Variants in ZBTB20 observed in about 807,000 individuals in gnomAD.
ZBTB20 encodes the protein zinc finger and BTB domain-containing protein 20.
Under a neutral mutation model 56.9 loss-of-function variants are expected in ZBTB20, and 9 were observed. That is an observed-to-expected ratio of 0.16 (90% CI 0.10 to 0.28). The LOEUF is 0.28. ZBTB20 is among the 10% of genes least tolerant of loss of function. ZBTB20 has a pLI of 1.00. For synonymous variants in ZBTB20, 417 were observed against 420.7 expected, an observed-to-expected ratio of 0.99 and a Z score of 0.11; for missense variants, 655 against 1,003.0, an observed-to-expected ratio of 0.65 and a Z score of 4.69.
At chr3:114,513,561 G>C (rs2045649925) in intron 6 of ZBTB20, among the ~76,000 whole-genome samples, 1 of 152,170 alleles carries the variant, frequency 6.6e-6, no homozygotes, top group African/African-American at 2.4e-5. Context: ...TGGCAGGCTG[G>C]AGAGGATGTT....
intron 7 of ZBTB20, among the ~76,000 whole-genome samples, chr3:114,492,786 A>C (rs1167626414): frequency 7.9e-5 from 12 of 152,230 alleles, no homozygotes; most frequent in Admixed American, 7.9e-4. Context: ...AGTTTTGCCC[A>C]AATGGTAACA....
intron 5 of ZBTB20, among the ~76,000 whole-genome samples, chr3:114,746,167 T>C (rs2067025995): frequency 6.6e-6 from 1 of 152,194 alleles, no homozygotes; most frequent in Non-Finnish European, 1.5e-5. Context: ...AAGACAGTGT[T>C]CTTCCCACCA....
chr3:114,803,778 TG>T (rs984668200), intron 4 of ZBTB20, among the ~76,000 whole-genome samples: 3 of 33,852 alleles, frequency 8.9e-5, no homozygotes, highest in Non-Finnish European at 1.1e-4. Flanking sequence ...TTCAACTTTC[TG>T]TTTTTTTTTT....
intron 6 of ZBTB20, among the ~76,000 whole-genome samples, chr3:114,511,558 C>G (rs759042232): frequency 2.0e-5 from 3 of 152,120 alleles, no homozygotes; most frequent in Non-Finnish European, 4.4e-5. Context: ...CTTTTAACCT[C>G]TCTTTCCTTT....
chr3:114,431,500 T>G (rs2090118612), intron 7 of ZBTB20, among the ~76,000 whole-genome samples: 1 of 152,218 alleles, frequency 6.6e-6, no homozygotes, highest in Admixed American at 6.5e-5. Context: ...CAGCTAATGA[T>G]TCATTATGTT....
intron 6 of ZBTB20, among the ~76,000 whole-genome samples, chr3:114,607,006 G>A (rs1049819012): frequency 1.3e-5 from 2 of 151,876 alleles, no homozygotes; most frequent in African/African-American, 4.8e-5. Context: ...GCTGAGGCAG[G>A]AGAATAGCTT....
At chr3:114,681,647 A>C (rs543567813) in intron 6 of ZBTB20, among the ~76,000 whole-genome samples, 2 of 152,320 alleles carry the variant, frequency 1.3e-5, no homozygotes, top group South Asian at 4.1e-4. Context: ...AGTAGTGGGA[A>C]AGATAGCAAA....
At chr3:114,601,716 G>T (rs2056771782) in intron 6 of ZBTB20, among the ~76,000 whole-genome samples, 1 of 151,964 alleles carries the variant, frequency 6.6e-6, no homozygotes, top group Non-Finnish European at 1.5e-5. Flanking sequence ...GGTATTGAAG[G>T]ATACTTGGGA....
chr3:114,477,333 T>C (rs2109323036), intron 7 of ZBTB20, among the ~76,000 whole-genome samples: 1 of 152,272 alleles, frequency 6.6e-6, no homozygotes, highest in South Asian at 2.1e-4. Flanking sequence ...TCTCATTTAA[T>C]CATCATAAGA....
chr3:114,670,263 A>T (rs2061291689), intron 6 of ZBTB20, among the ~76,000 whole-genome samples: 1 of 151,990 alleles, frequency 6.6e-6, no homozygotes, highest in African/African-American at 2.4e-5. Flanking sequence ...GCAAAAGTTG[A>T]CTTTATTTCT....
intron 3 of ZBTB20, among the ~76,000 whole-genome samples, chr3:114,952,429 T>C (rs778452527): frequency 3.9e-5 from 6 of 152,096 alleles, no homozygotes; most frequent in Non-Finnish European, 8.8e-5. Flanking sequence ...TAAATATGTC[T>C]GTTCTGTATT....
At chr3:115,146,425 A>C (rs1431256987) in intron 1 of ZBTB20, among the ~76,000 whole-genome samples, 2 of 152,204 alleles carry the variant, frequency 1.3e-5, no homozygotes, top group Non-Finnish European at 2.9e-5. Flanking sequence ...AATACATTAA[A>C]CAGTGTACGA....
chr3:115,069,181 A>G (rs2082314162), intron 2 of ZBTB20, among the ~76,000 whole-genome samples: 1 of 152,214 alleles, frequency 6.6e-6, no homozygotes, highest in African/African-American at 2.4e-5. Context: ...CCTAGCAGTC[A>G]GCAGAAGCAT....
At chr3:114,371,863 C>A (rs2083053318) in intron 10 of ZBTB20, among the ~76,000 whole-genome samples, 1 of 151,332 alleles carries the variant, frequency 6.6e-6, no homozygotes, top group Non-Finnish European at 1.5e-5. Flanking sequence ...AAAGTTAGAA[C>A]TGGCACACAT....
intron 1 of ZBTB20, among the ~76,000 whole-genome samples, chr3:115,093,309 G>A (rs1328085683): frequency 1.3e-5 from 2 of 152,026 alleles, no homozygotes; most frequent in Admixed American, 1.3e-4. Flanking sequence ...CTGTGTATAG[G>A]CCGTACCACA....
chr3:114,364,761 C>G (rs757558861), intron 10 of ZBTB20, among the ~76,000 whole-genome samples: 1 of 152,252 alleles, frequency 6.6e-6, no homozygotes, highest in East Asian at 1.9e-4. Flanking sequence ...CCTTAAATTC[C>G]TTGCTTTTAT....
chr3:115,068,582 G>T (rs2108502944), intron 2 of ZBTB20, among the ~76,000 whole-genome samples: 1 of 152,130 alleles, frequency 6.6e-6, no homozygotes, highest in South Asian at 2.1e-4. Context: ...GCCATGATAA[G>T]GCACGATATA....
intron 1 of ZBTB20, among the ~76,000 whole-genome samples, chr3:115,118,669 G>T (rs1485672775): frequency 2.0e-5 from 3 of 146,438 alleles, no homozygotes; most frequent in Non-Finnish European, 4.5e-5. Context: ...AATATCACTA[G>T]TGGTTCTAGG....
intron 6 of ZBTB20, among the ~76,000 whole-genome samples, chr3:114,507,778 C>T (rs1001347141): frequency 4.6e-5 from 7 of 151,922 alleles, no homozygotes; most frequent in African/African-American, 1.7e-4. Context: ...AATGTTCACC[C>T]TAAAAATTAT....
Sources: gnomAD v4.1 joint callset for allele counts (sites outside exome capture counted in the v4.1 genomes callset) on GRCh38, gnomAD v4.1.1 for gene constraint, MANE v1.5 for transcripts, NCBI Gene and HGNC (gene_info 2026-07-23, HGNC 2026-07-21) for gene names.